The following CDH18 variants were observed in gnomAD, a reference collection of about 807,000 sequenced individuals.
CDH18 encodes cadherin-18.
Under a neutral mutation model 67.9 loss-of-function variants are expected in CDH18, and 31 were observed. That is an observed-to-expected ratio of 0.46 (90% confidence interval 0.34 to 0.62). The LOEUF is 0.62. Among genes scored for constraint, CDH18 ranks in the 20% least tolerant of loss-of-function variants. The pLI is 0.01. For missense variants in CDH18, 890 were observed against 975.5 expected, an observed-to-expected ratio of 0.91 and a Z score of 1.17; for synonymous variants, 362 against 347.2, an observed-to-expected ratio of 1.04 and a Z score of -0.48.
At chr5:20,050,227 T>C (rs375434072) in intron 2 of CDH18, among the ~76,000 whole-genome samples, 1 of 151,906 alleles carries the variant, frequency 6.6e-6, no homozygotes, top group East Asian at 1.9e-4. Flanking sequence ...TTGTATTTTG[T>C]CTTTTTCTCA....
At chr5:19,509,950 C>CATT (rs1443188093) in intron 10 of CDH18, among the ~76,000 whole-genome samples, 6 of 151,982 alleles carry the variant, frequency 3.9e-5, no homozygotes, top group African/African-American at 1.4e-4. Context: ...TTGCAGTTTA[C>CATT]ATTAGTATCT....
chr5:20,238,113 C>G (rs944285593), intron 2 of CDH18, among the ~76,000 whole-genome samples: 1 of 151,778 alleles, frequency 6.6e-6, no homozygotes, highest in African/African-American at 2.4e-5. Flanking sequence ...TTGAACCTTA[C>G]AAAAATTAAC....
intron 2 of CDH18, among the ~76,000 whole-genome samples, chr5:20,070,126 T>C (rs879662194): frequency 6.6e-6 from 1 of 152,218 alleles, no homozygotes; most frequent in Admixed American, 6.5e-5. Context: ...ATCCATAGTT[T>C]TGCCTTTTCC....
At chr5:20,190,689 A>G (rs1001701246) in intron 2 of CDH18, among the ~76,000 whole-genome samples, 4 of 152,098 alleles carry the variant, frequency 2.6e-5, no homozygotes, top group African/African-American at 9.7e-5. Flanking sequence ...ATGTAAATGA[A>G]TAGAAAAATA....
At chr5:20,335,664 T>A (rs2150034205) in intron 1 of CDH18, among the ~76,000 whole-genome samples, 1 of 152,342 alleles carries the variant, frequency 6.6e-6, no homozygotes, top group African/African-American at 2.4e-5. Flanking sequence ...CAGAGTCTTA[T>A]CACTTAAATG....
At chr5:19,473,813 T>A in intron 12 of CDH18, 97 bp from the exon 13 acceptor site, 2 of 1,003,352 alleles carry the variant, frequency 2.0e-6, no homozygotes, top group Non-Finnish European at 3.0e-6. Context: ...CATTCGTCAT[T>A]AACCACATTC....
rs75022142 is a variant in CDH18, at chr5:20,570,675, A to G, written c.-580+4787T>C. On this transcript the variant is annotated intron_variant, in intron 1 of 14. Transcript: ENST00000507958. ...TCACAAGTTAGAGTGACTGCAGTTT[A>G]GTAAACAGCAGGGCTGGCTCAAGGA... is the stretch of plus-strand genomic sequence containing the variant. Among the ~76,000 whole-genome samples the G allele has an allele frequency of 8.9e-3, 1,354 of 152,284 alleles. 15 individuals are homozygous for G. The highest frequency in any genetic ancestry group is 0.031 in the African/African-American group (1,283 of 41,570).
intron 11 of CDH18, among the ~76,000 whole-genome samples, chr5:19,489,637 G>A (rs980877223): frequency 5.3e-5 from 8 of 151,964 alleles, no homozygotes; most frequent in African/African-American, 1.5e-4. Context: ...CTCTCGTCAC[G>A]AAAACATCTT....
intron 1 of CDH18, among the ~76,000 whole-genome samples, chr5:20,306,940 A>G (rs1420001029): frequency 7.7e-6 from 1 of 129,182 alleles, no homozygotes; most frequent in East Asian, 2.0e-4. Flanking sequence ...AATTTATGCC[A>G]TAGTTATAGG....
At chr5:20,407,954 T>C (rs186533423) in intron 1 of CDH18, among the ~76,000 whole-genome samples, 11 of 152,110 alleles carry the variant, frequency 7.2e-5, no homozygotes, top group Admixed American at 6.6e-4. Flanking sequence ...AAATCCACAC[T>C]GTGGCACATC....
chr5:19,602,280 G>A (rs1298689152), intron 6 of CDH18, among the ~76,000 whole-genome samples: 1 of 151,900 alleles, frequency 6.6e-6, no homozygotes, highest in Non-Finnish European at 1.5e-5. Context: ...ATTCAGCAAA[G>A]TTACAAGATA....
At chr5:20,479,773 A>G (rs1271615343) in intron 1 of CDH18, among the ~76,000 whole-genome samples, 2 of 152,168 alleles carry the variant, frequency 1.3e-5, no homozygotes, top group African/African-American at 4.8e-5. Context: ...AAAGTTATCA[A>G]TATTCAAGTA....
chr5:20,006,025 A>C (rs938235206), intron 2 of CDH18, among the ~76,000 whole-genome samples: 2 of 152,000 alleles, frequency 1.3e-5, no homozygotes, highest in African/African-American at 4.8e-5. Context: ...ATAAGAGAAC[A>C]ACTAGGTGTT....
At chr5:20,282,881 T>C (rs1327366518) in intron 1 of CDH18, among the ~76,000 whole-genome samples, 1 of 151,944 alleles carries the variant, frequency 6.6e-6, no homozygotes, top group Non-Finnish European at 1.5e-5. Flanking sequence ...CACAAAGCCA[T>C]AGTAACAAAA....
At chr5:20,320,450 C>T (rs1737898812) in intron 1 of CDH18, among the ~76,000 whole-genome samples, 1 of 151,914 alleles carries the variant, frequency 6.6e-6, no homozygotes, top group Non-Finnish European at 1.5e-5. Context: ...AGTGTGAAAC[C>T]TGAAACTCTT....
At chr5:20,335,936 TACAG>T (rs1463191329) in intron 1 of CDH18, among the ~76,000 whole-genome samples, 17 of 152,224 alleles carry the variant, frequency 1.1e-4, no homozygotes, top group Non-Finnish European at 2.1e-4. Context: ...AACTTGGTCT[TACAG>T]AAAGAAAGCT....
At chr5:20,532,463 T>C (rs1416423568) in intron 1 of CDH18, among the ~76,000 whole-genome samples, 1 of 152,100 alleles carries the variant, frequency 6.6e-6, no homozygotes, top group Non-Finnish European at 1.5e-5. Flanking sequence ...TCTCTAACTC[T>C]AGTGTTTTCC....
chr5:20,346,124 A>G (rs1740675455), intron 1 of CDH18, among the ~76,000 whole-genome samples: 1 of 152,132 alleles, frequency 6.6e-6, no homozygotes, highest in Non-Finnish European at 1.5e-5. Context: ...GCTGTTTGGT[A>G]CAAACATGGG....
chr5:19,974,361 G>A (rs1051220033), intron 2 of CDH18, among the ~76,000 whole-genome samples: 13 of 151,658 alleles, frequency 8.6e-5, no homozygotes, highest in African/African-American at 1.7e-4. Flanking sequence ...GTGAAACCCC[G>A]TCTCTACTAA....
Sources: gnomAD v4.1 joint callset for allele counts (sites outside exome capture counted in the v4.1 genomes callset) on GRCh38, gnomAD v4.1.1 for gene constraint, MANE v1.5 for transcripts, NCBI Gene and HGNC (gene_info 2026-07-23, HGNC 2026-07-21) for gene names.